Variants in ARHGEF38 observed in about 807,000 individuals in gnomAD.
ARHGEF38 encodes the protein Rho guanine nucleotide exchange factor 38.
A neutral mutation model predicts 79.9 loss-of-function variants in ARHGEF38; 79 were observed. That is an observed-to-expected ratio of 0.99 (90% CI 0.82 to 1.19). The LOEUF (loss-of-function observed/expected upper bound fraction) is 1.19, where lower values mean the gene tolerates loss of function less well. Ranked by LOEUF, ARHGEF38 falls within the 50% of genes most tolerant of loss-of-function variation. The pLI is 0.00. For missense variants in ARHGEF38, 962 were observed against 907.2 expected (o/e 1.06, Z -0.78); for synonymous variants, 366 against 328.3 (o/e 1.11, Z -1.24).
At chr4:105,593,584 A>T (rs1035675979) in intron 2 of ARHGEF38, among the ~76,000 whole-genome samples, 3 of 152,150 alleles carry the variant, frequency 2.0e-5, no homozygotes, top group African/African-American at 7.2e-5. Flanking sequence ...AATATACAAG[A>T]AAAGTCTTTC....
chr4:105,630,649 TTG>T (rs1038716713), intron 3 of ARHGEF38, among the ~76,000 whole-genome samples: 24 of 152,042 alleles, frequency 1.6e-4, no homozygotes, highest in African/African-American at 5.8e-4. Flanking sequence ...TGTTCATCCT[TTG>T]TTTTATAAAA....
intron 1 of ARHGEF38, among the ~76,000 whole-genome samples, chr4:105,585,497 ACAT>A (rs139602775): frequency 0.62 from 93,780 of 151,698 alleles, 31,806 homozygotes; most frequent in East Asian, 0.98. Flanking sequence ...GTAAAAATTC[ACAT>A]CACCACTGGA....
intron 3 of ARHGEF38, among the ~76,000 whole-genome samples, chr4:105,624,732 G>A (rs1012569554): frequency 2.2e-4 from 33 of 152,204 alleles, no homozygotes; most frequent in African/African-American, 7.7e-4. Context: ...TTGGGCTGGC[G>A]AATCTACTGC....
intron 9 of ARHGEF38, 127 bp downstream of exon 9, chr4:105,655,849 A>G: frequency 9.4e-7 from 1 of 1,061,056 alleles, no homozygotes; most frequent in Non-Finnish European, 1.3e-6. Flanking sequence ...TGTCAAAATT[A>G]GTAGATTTAA....
At chr4:105,588,408 C>A (rs1460028660) in intron 1 of ARHGEF38, among the ~76,000 whole-genome samples, 1 of 152,236 alleles carries the variant, frequency 6.6e-6, no homozygotes, top group African/African-American at 2.4e-5. Context: ...CACAGACTCA[C>A]ACACTGCCCT....
Position 105,645,300 on chromosome 4 carries a change from C to A in ARHGEF38, c.787C>A (p.Pro263Thr). The change falls in exon 6 of 14, where the codon CCA (proline) becomes ACA (threonine). Residue 263 changes from proline (P) to threonine (T), a missense_variant. Physicochemically the swap from Pro to Thr is conservative, Grantham distance 38. Transcript: ENST00000420470. ...ELRNSTPPSH[P>T]DYRALDDAFA... ...TCGGAATTCCACCCCTCCCTCTCAC[C>A]CAGATTACAGAGCACTGGACGATGC... 6.5e-7 allele frequency: 1 copy of A among 1,536,566 alleles called. No individual in the cohort carries two copies.
chr4:105,584,506 G>A (rs1726937887), intron 1 of ARHGEF38, among the ~76,000 whole-genome samples: 1 of 152,118 alleles, frequency 6.6e-6, no homozygotes, highest in Non-Finnish European at 1.5e-5. Flanking sequence ...ATTGATACAG[G>A]AAGAGCTAAG....
At chr4:105,561,419 A>AGAATAGAATAGAATG (rs1560684256) in intron 1 of ARHGEF38, among the ~76,000 whole-genome samples, 2 of 46,048 alleles carry the variant, frequency 4.3e-5, no homozygotes, top group African/African-American at 9.8e-5. Context: ...AGAATAGAAT[A>AGAATAGAATAGAATG]GAATGGAATA....
At chr4:105,668,189 CTTT>C (rs534436395) in intron 13 of ARHGEF38, among the ~76,000 whole-genome samples, 1 of 147,828 alleles carries the variant, frequency 6.8e-6, no homozygotes, top group African/African-American at 2.5e-5. Context: ...TTCTTTTTTT[CTTT>C]TTTTTTTGAG....
At chr4:105,588,946 T>A (rs1727185279) in intron 1 of ARHGEF38, among the ~76,000 whole-genome samples, 1 of 152,250 alleles carries the variant, frequency 6.6e-6, no homozygotes, top group Admixed American at 6.5e-5. Context: ...CTGTTTTTTT[T>A]ATACATTTGA....
intron 1 of ARHGEF38, among the ~76,000 whole-genome samples, chr4:105,554,871 CT>C (rs888458094): frequency 6.6e-6 from 1 of 151,984 alleles, no homozygotes; most frequent in Non-Finnish European, 1.5e-5. Context: ...TTTTTCAATT[CT>C]TTTTTGTCCT....
chr4:105,671,104 T>C (rs1019069708), intron 13 of ARHGEF38, among the ~76,000 whole-genome samples: 1 of 152,222 alleles, frequency 6.6e-6, no homozygotes, highest in African/African-American at 2.4e-5. Context: ...CATATCTTCA[T>C]AAATTGTTAT....
At chr4:105,591,508 C>T (rs767929946) in intron 2 of ARHGEF38, among the ~76,000 whole-genome samples, 37 of 152,154 alleles carry the variant, frequency 2.4e-4, no homozygotes, top group Admixed American at 7.9e-4. Flanking sequence ...GGATTACAGG[C>T]GTGAGCCACC....
chr4:105,628,960 T>G (rs1729068398), intron 3 of ARHGEF38, among the ~76,000 whole-genome samples: 1 of 152,216 alleles, frequency 6.6e-6, no homozygotes, highest in Admixed American at 6.5e-5. Flanking sequence ...ACTTTTTATA[T>G]CTATCACCCC....
intron 1 of ARHGEF38, among the ~76,000 whole-genome samples, chr4:105,559,797 A>C (rs1560682576): frequency 6.6e-6 from 1 of 152,068 alleles, no homozygotes; most frequent in African/African-American, 2.4e-5. Flanking sequence ...CCCTTCTTCT[A>C]TACTAGGTTG....
intron 3 of ARHGEF38, among the ~76,000 whole-genome samples, chr4:105,616,836 A>T (rs576264645): frequency 6.6e-6 from 1 of 152,290 alleles, no homozygotes; most frequent in African/African-American, 2.4e-5. Context: ...TTTTTAAAAG[A>T]CTGTGCTCTA....
intron 7 of ARHGEF38, among the ~76,000 whole-genome samples, chr4:105,653,648 G>T (rs1730203776): frequency 6.6e-6 from 1 of 152,142 alleles, no homozygotes; most frequent in Admixed American, 6.6e-5. Flanking sequence ...AATAAGCACT[G>T]TTAAATAAAT....
chr4:105,674,346 A>G (rs1166869616), intron 13 of ARHGEF38, among the ~76,000 whole-genome samples: 1 of 152,170 alleles, frequency 6.6e-6, no homozygotes, highest in Non-Finnish European at 1.5e-5. Flanking sequence ...GCCAAGGAAA[A>G]ACAGAAGAAG....
At chr4:105,628,019 T>C (rs917600805) in intron 3 of ARHGEF38, among the ~76,000 whole-genome samples, 2 of 138,582 alleles carry the variant, frequency 1.4e-5, no homozygotes, top group Non-Finnish European at 3.0e-5. Context: ...AGAATTTTAC[T>C]TGGAAAAGAG....
Sources: gnomAD v4.1 joint callset for allele counts (sites outside exome capture counted in the v4.1 genomes callset) on GRCh38, gnomAD v4.1.1 for gene constraint, MANE v1.5 for transcripts, NCBI Gene and HGNC (gene_info 2026-07-23, HGNC 2026-07-21) for gene names.